PLEKHH2: variants seen among roughly 807,000 people sequenced by gnomAD.
The protein encoded by PLEKHH2 is pleckstrin homology domain-containing family H member 2.
In PLEKHH2, 129 loss-of-function variants were observed where a neutral mutation model predicts 187.9. The ratio of observed to expected loss-of-function variants is 0.69; its 90% CI spans 0.59 to 0.79. The LOEUF is 0.79. Ranked by LOEUF, PLEKHH2 falls within the 30% of genes least tolerant of loss-of-function variation. The probability of loss-of-function intolerance (pLI) is 0.00; values close to 1 mark genes in which losing one functional copy is unlikely to be tolerated. For missense variants in PLEKHH2, 2,076 were observed against 1,751.2 expected (o/e 1.19, Z -3.31); for synonymous variants, 686 against 605.6 (o/e 1.13, Z -1.95).
At chr2:43,675,855 C>G (rs756598739) in intron 2 of PLEKHH2, 3 of 1,613,920 alleles carry the variant, frequency 1.9e-6, no homozygotes, top group African/African-American at 2.7e-5. Flanking sequence ...CCCTTGTAAA[C>G]AAAAGGTACT....
chr2:43,650,204 G>A (rs1342896018), intron 2 of PLEKHH2, among the ~76,000 whole-genome samples: 2 of 132,686 alleles, frequency 1.5e-5, no homozygotes, highest in South Asian at 2.4e-4. Flanking sequence ...AGGCTGAAGT[G>A]CAGTGGTGCC....
chr2:43,749,682 G>A (rs1479092204), intron 24 of PLEKHH2, among the ~76,000 whole-genome samples: 1 of 152,250 alleles, frequency 6.6e-6, no homozygotes, highest in Non-Finnish European at 1.5e-5. Context: ...CCACAGCTAT[G>A]AGAAAGTAAT....
At chr2:43,711,448 G>A (rs1669961373) in intron 14 of PLEKHH2, 1 of 973,540 alleles carries the variant, frequency 1.0e-6, no homozygotes, top group African/African-American at 1.8e-5. Flanking sequence ...CTAATCACAT[G>A]TTCGTTCCAA....
At chr2:43,645,951 G>A (rs1666163566) in intron 2 of PLEKHH2, among the ~76,000 whole-genome samples, 1 of 152,048 alleles carries the variant, frequency 6.6e-6, no homozygotes, top group South Asian at 2.1e-4. Flanking sequence ...TTCATTGCTA[G>A]CCAAGAATCT....
At chr2:43,755,682 G>A (rs892564978) in intron 25 of PLEKHH2, among the ~76,000 whole-genome samples, 2 of 152,196 alleles carry the variant, frequency 1.3e-5, no homozygotes, top group African/African-American at 4.8e-5. Context: ...CTGAGGGCTG[G>A]AATCATTTGA....
chr2:43,709,455 G>A (rs1669831677), intron 11 of PLEKHH2, among the ~76,000 whole-genome samples: 1 of 152,038 alleles, frequency 6.6e-6, no homozygotes, highest in South Asian at 2.1e-4. Flanking sequence ...GTAGACTCTT[G>A]CATATATTTT....
At position 43,678,866 on chromosome 2, in the gene PLEKHH2, C is replaced by G. The variant is rs750535590; in HGVS notation, c.127C>G (p.Gln43Glu). Residue 43 changes from glutamine to glutamate, a missense_variant, in exon 3 of 30, where the codon CAA becomes GAA. By Grantham distance (29) the Gln-to-Glu change is conservative. Transcript: ENST00000282406. The stretch of plus-strand genomic sequence containing the variant: ...TATATTTTCCCTCACTCTACAGATG[C>G]AACAGCTTGAGAGACAAGTTATTGA... ...KIRELLAEKMQQLERQVIDAE... is the reference protein window; with the variant it reads ...KIRELLAEKMEQLERQVIDAE... 1 of 1,599,730 alleles carries G rather than the reference C, an allele frequency of 6.3e-7. No homozygotes were observed.
chr2:43,731,143 G>C (rs1233888606), intron 18 of PLEKHH2, among the ~76,000 whole-genome samples: 1 of 152,272 alleles, frequency 6.6e-6, no homozygotes, highest in Non-Finnish European at 1.5e-5. Context: ...AGGGTGGGAA[G>C]GGGGTGAGGC....
chr2:43,675,353 C>T, intron 2 of PLEKHH2: 1 of 1,522,166 alleles, frequency 6.6e-7, no homozygotes. Context: ...TTGGACAGCA[C>T]AGGTCTATTA....
At chr2:43,737,299 G>T (rs926367628) in intron 19 of PLEKHH2, among the ~76,000 whole-genome samples, 1 of 152,218 alleles carries the variant, frequency 6.6e-6, no homozygotes, top group Non-Finnish European at 1.5e-5. Flanking sequence ...CAGGCATACA[G>T]AGAATCGGGT....
At chr2:43,656,931 A>C (rs13026060) in intron 2 of PLEKHH2, among the ~76,000 whole-genome samples, 56,734 of 152,060 alleles carry the variant, frequency 0.37, 10,927 homozygotes, top group Non-Finnish European at 0.41. Context: ...AGGCAGAAGA[A>C]TCGCTTGAGC....
At chr2:43,684,303 G>A (rs1046811824) in intron 3 of PLEKHH2, among the ~76,000 whole-genome samples, 2 of 151,038 alleles carry the variant, frequency 1.3e-5, no homozygotes, top group Non-Finnish European at 2.9e-5. Context: ...TACCCTGGCT[G>A]TGTCTATATG....
chr2:43,675,196 T>G (rs781603595), intron 2 of PLEKHH2: 4 of 445,436 alleles, frequency 9.0e-6, no homozygotes. Flanking sequence ...ATCCAAAACA[T>G]TATTTCAATG....
At chr2:43,714,248 T>A (rs1670106441) in intron 15 of PLEKHH2, among the ~76,000 whole-genome samples, 1 of 152,254 alleles carries the variant, frequency 6.6e-6, no homozygotes, top group Admixed American at 6.5e-5. Flanking sequence ...CAGCAAGGCA[T>A]GTCAGTTTCT....
At chr2:43,701,291 C>T (rs1669348958) in intron 8 of PLEKHH2, among the ~76,000 whole-genome samples, 1 of 152,180 alleles carries the variant, frequency 6.6e-6, no homozygotes, top group African/African-American at 2.4e-5. Flanking sequence ...GCAGCTACTT[C>T]TCAAGAGAAA....
chr2:43,695,557 C>A (rs565340099), intron 6 of PLEKHH2, among the ~76,000 whole-genome samples: 2 of 152,294 alleles, frequency 1.3e-5, no homozygotes, highest in Non-Finnish European at 2.9e-5. Context: ...TCCAGAGAGT[C>A]CAGCTTGCTA....
At chr2:43,637,729 G>T (rs1465798825) in intron 1 of PLEKHH2, among the ~76,000 whole-genome samples, 1 of 152,206 alleles carries the variant, frequency 6.6e-6, no homozygotes, top group African/African-American at 2.4e-5. Context: ...CAGCGGGGCA[G>T]CCCAGGGTCC....
intron 2 of PLEKHH2, among the ~76,000 whole-genome samples, chr2:43,657,050 C>G (rs1666810403): frequency 7.3e-6 from 1 of 137,716 alleles, no homozygotes; most frequent in Non-Finnish European, 1.6e-5. Context: ...CAAAATAAAA[C>G]AAAAAAACCT....
intron 2 of PLEKHH2, among the ~76,000 whole-genome samples, chr2:43,657,195 G>A (rs936606762): frequency 2.0e-5 from 3 of 152,142 alleles, no homozygotes; most frequent in East Asian, 3.8e-4. Context: ...GACTCACTGC[G>A]GGTGCTCGGA....
Sources: gnomAD v4.1 joint callset for allele counts (sites outside exome capture counted in the v4.1 genomes callset) on GRCh38, gnomAD v4.1.1 for gene constraint, MANE v1.5 for transcripts, NCBI Gene and HGNC (gene_info 2026-07-23, HGNC 2026-07-21) for gene names.